UGT2A1: variants seen among roughly 807,000 people sequenced by gnomAD.
UGT2A1 encodes the protein UDP glucuronosyltransferase family 2 member A1 complex locus.
UGT2A1 carries 61 observed loss-of-function variants against 45.4 expected under a neutral mutation model. That is an observed-to-expected ratio of 1.34 (90% CI 1.09 to 1.66). UGT2A1 has a LOEUF of 1.66. Among genes scored for constraint, UGT2A1 ranks in the 40% most tolerant of loss-of-function variants. The probability of loss-of-function intolerance (pLI) is 0.00; values close to 1 mark genes in which losing one functional copy is unlikely to be tolerated. For missense variants in UGT2A1, 649 were observed against 574.3 expected (o/e 1.13, Z -1.33); for synonymous variants, 229 against 196.2 (o/e 1.17, Z -1.40).
At chr4:69,599,116 G>C in intron 4 of UGT2A1, 130 bp downstream of exon 4, 1 of 1,353,932 alleles carries the variant, frequency 7.4e-7, no homozygotes, top group Non-Finnish European at 9.7e-7. Context: ...TCTATCACAA[G>C]GAAAATAGAT....
At chr4:69,599,697 G>A (rs1192817915) in intron 3 of UGT2A1, 4 of 205,852 alleles carry the variant, frequency 1.9e-5, no homozygotes, top group South Asian at 2.6e-4. Flanking sequence ...AATAAAGAAA[G>A]AGAGAGAGAG....
chr4:69,630,922 AAAG>A (rs146627732), intron 3 of UGT2A1, among the ~76,000 whole-genome samples: 4,456 of 152,166 alleles, frequency 0.029, 222 homozygotes, highest in African/African-American at 0.1. Flanking sequence ...GGTGTGTGCT[AAAG>A]AATACACGAC....
intron 2 of UGT2A1, among the ~76,000 whole-genome samples, chr4:69,636,558 A>G (rs1184712632): frequency 1.3e-5 from 2 of 152,114 alleles, no homozygotes; most frequent in Admixed American, 1.3e-4. Context: ...AGAAGTTGAG[A>G]ACTTGCTGTT....
intron 2 of UGT2A1, among the ~76,000 whole-genome samples, chr4:69,645,416 G>A (rs1299570520): frequency 6.6e-6 from 1 of 151,746 alleles, no homozygotes; most frequent in Non-Finnish European, 1.5e-5. Flanking sequence ...CCCTGTCAGA[G>A]ATGAGATAAA....
chr4:69,644,468 A>C (rs1722168482), intron 2 of UGT2A1, among the ~76,000 whole-genome samples: 1 of 151,716 alleles, frequency 6.6e-6, no homozygotes, highest in Non-Finnish European at 1.5e-5. Context: ...ACATATTCAG[A>C]GTCCCTTTTA....
rs1433316169 is a variant in UGT2A1 at position 69,640,522 on chromosome 4, C to G, written c.716-4700G>C. 3.3e-5 allele frequency among the ~76,000 whole-genome samples: 5 copies of G among 151,614 alleles called. No homozygotes were observed. In the East Asian group the frequency reaches 9.7e-4, roughly 29 times the overall value. On this transcript the variant is annotated intron_variant, in intron 2 of 6. Transcript: ENST00000286604. ...ATAGTGTTGCAATTCTTAGTGAATC[C>G]CAAACTGAGCAATAGCAATTATGTA...
At chr4:69,590,020 G>T (rs1420138198) in intron 6 of UGT2A1, among the ~76,000 whole-genome samples, 1 of 152,164 alleles carries the variant, frequency 6.6e-6, no homozygotes, top group Non-Finnish European at 1.5e-5. Context: ...AATCATTTAA[G>T]ACATACATAA....
intron 4 of UGT2A1, 132 bp downstream of exon 4, chr4:69,599,114 A>G (rs1315322065): frequency 3.7e-6 from 5 of 1,348,436 alleles, no homozygotes; most frequent in Non-Finnish European, 4.9e-6. Flanking sequence ...CCTCTATCAC[A>G]AGGAAAATAG....
chr4:69,588,994 C>A lies in UGT2A1; in HGVS notation c.*378G>T, dbSNP rs1480609111. 1 of 162,290 alleles carries A rather than the reference C, an allele frequency of 6.2e-6. No individual in the cohort carries two copies. Among genetic ancestry groups the A allele is most frequent in the Non-Finnish European group, 1.3e-5 (1 of 74,112 alleles). 10.1% of individuals were successfully genotyped at this position (162,290 alleles called of 1,614,324 possible). ...GACTCTTCCTTACACCTATCAAATT[C>A]CATCTACACTGTATGCATTACCAGG... On this transcript the variant is annotated 3_prime_UTR_variant, in exon 7 of 7. Coordinates refer to ENST00000286604, the MANE Select transcript of UGT2A1 (RefSeq NM_001252275.3).
chr4:69,620,014 C>A (rs1720650773), intron 3 of UGT2A1, among the ~76,000 whole-genome samples: 1 of 151,874 alleles, frequency 6.6e-6, no homozygotes, highest in East Asian at 1.9e-4. Flanking sequence ...TATGACAAAC[C>A]CCCAGCCAAC....
rs563033621 is a variant in UGT2A1 at position 69,646,435 on chromosome 4, A to G, written c.715+495T>C. 7.2e-5 allele frequency among the ~76,000 whole-genome samples: 11 copies of G among 151,992 alleles called. No homozygotes were observed. In the South Asian group the frequency reaches 2.3e-3, roughly 32 times the overall value. ...TCAATGGTTGTAGTTCACACCTTAC[A>G]ATTAAAGGTGATAAAGCCTTAATGT... is the stretch of plus-strand genomic sequence containing the variant. On this transcript the variant is annotated intron_variant, in intron 2 of 6. Transcript: ENST00000286604.
intron 3 of UGT2A1, among the ~76,000 whole-genome samples, chr4:69,609,234 C>T (rs922139038): frequency 2.1e-4 from 32 of 151,652 alleles, no homozygotes; most frequent in African/African-American, 7.5e-4. Flanking sequence ...CTCACTGCAG[C>T]CTTGACCTTA....
intron 2 of UGT2A1, among the ~76,000 whole-genome samples, chr4:69,644,870 A>G (rs564891494): frequency 1.3e-5 from 2 of 151,840 alleles, no homozygotes; most frequent in South Asian, 4.2e-4. Context: ...ATACTAACCT[A>G]TGCATATTTA....
chr4:69,609,970 A>G (rs1296765771), intron 3 of UGT2A1, among the ~76,000 whole-genome samples: 2 of 152,188 alleles, frequency 1.3e-5, no homozygotes, highest in Non-Finnish European at 2.9e-5. Flanking sequence ...ACATTTCAAA[A>G]AACTAAATAA....
chr4:69,652,253 C>T (rs1330342799), intron 1 of UGT2A1, among the ~76,000 whole-genome samples: 1 of 150,246 alleles, frequency 6.7e-6, no homozygotes, highest in East Asian at 2.0e-4. Flanking sequence ...GCTTTTACAA[C>T]AGCATTTTCT....
chr4:69,635,420 C>T (rs1056830510), intron 3 of UGT2A1, among the ~76,000 whole-genome samples: 1 of 152,176 alleles, frequency 6.6e-6, no homozygotes, highest in African/African-American at 2.4e-5. Flanking sequence ...TAACCATTTT[C>T]ACTACAGTGT....
At chr4:69,606,158 G>C (rs1269006200) in intron 3 of UGT2A1, among the ~76,000 whole-genome samples, 1 of 135,964 alleles carries the variant, frequency 7.4e-6, no homozygotes, top group African/African-American at 3.0e-5. Context: ...GATGAACATC[G>C]AGGCAAAAAT....
rs1179269504 is a variant in UGT2A1, at chr4:69,647,050, C to A, written c.595G>T (p.Glu199Ter). 5 of 1,612,740 alleles carry A rather than the reference C, an allele frequency of 3.1e-6. No individual in the cohort carries two copies. Among genetic ancestry groups the A allele is most frequent in the Non-Finnish European group, 3.4e-6 (4 of 1,179,274 alleles). The part of the protein sequence containing the change: ...PPSYVPAVLS[E>*]LTDQMSFTDR... ...GTGAAAGACATTTGGTCGGTGAGTT[C>A]TGATAAAACAGCAGGAACATAGGAA... is the stretch of plus-strand genomic sequence containing the variant. The change falls in exon 2 of 7, where the codon GAA becomes TAA. Residue 199 changes from glutamate (E) to a stop codon, truncating the protein, a stop_gained. Transcript: ENST00000286604. LOFTEE classifies it high-confidence loss of function.
chr4:69,616,803 A>G (rs1219211281), intron 3 of UGT2A1, among the ~76,000 whole-genome samples: 1 of 147,626 alleles, frequency 6.8e-6, no homozygotes, highest in East Asian at 2.0e-4. Context: ...AGCTAATGAC[A>G]CTTTCTAAAT....
Sources: gnomAD v4.1 joint callset for allele counts (sites outside exome capture counted in the v4.1 genomes callset) on GRCh38, gnomAD v4.1.1 for gene constraint, MANE v1.5 for transcripts, NCBI Gene and HGNC (gene_info 2026-07-23, HGNC 2026-07-21) for gene names.